RANBP2: variants seen among roughly 807,000 people sequenced by gnomAD.
RANBP2 encodes E3 SUMO-protein ligase RanBP2.
In RANBP2, 57 loss-of-function variants were observed where a neutral mutation model predicts 303.6. The observed-to-expected ratio is 0.19, with a 90% CI of 0.15 to 0.23. The LOEUF is 0.23. Among genes scored for constraint, RANBP2 ranks in the 10% least tolerant of loss-of-function variants. The pLI is 1.00. For synonymous variants in RANBP2, 1,167 were observed against 1,301.5 expected (o/e 0.90, Z 2.23); for missense variants, 3,138 against 3,780.8 (o/e 0.83, Z 4.46).
At chr2:108,720,029 G>A (rs1694104180) in intron 1 of RANBP2, 1 of 985,176 alleles carries the variant, frequency 1.0e-6, no homozygotes, top group South Asian at 4.7e-5. Context: ...TTGGGCACCC[G>A]GGTGCTGTAT....
At chr2:109,046,138 A>G in the RANBP2 span, among the ~76,000 whole-genome samples, 1 of 151,740 alleles carries the variant, frequency 6.6e-6, no homozygotes, top group Non-Finnish European at 1.5e-5. Context: ...CCCCGTCTCT[A>G]CTAAAAATAC....
chr2:109,148,303 C>T, the RANBP2 span, among the ~76,000 whole-genome samples: 7 of 152,228 alleles, frequency 4.6e-5, no homozygotes, highest in Admixed American at 3.3e-4. Flanking sequence ...GGGAATCCAC[C>T]GGGACGGTGT....
At position 108,729,109 on chromosome 2, in the gene RANBP2, A is replaced by G. The variant is rs1228739352; in HGVS notation, c.73-23A>G. On this transcript the variant is annotated intron_variant, in intron 1 of 28. Coordinates refer to ENST00000283195, the MANE Select transcript of RANBP2 (RefSeq NM_006267.5). ...GGAAAATATTTCTGTATGAAAAGTAAAACAACTTTTAATTTTTTTTAGAAG... is the reference window on the plus strand; with the variant it reads ...GGAAAATATTTCTGTATGAAAAGTAGAACAACTTTTAATTTTTTTTAGAAG... 2.6e-6 allele frequency: 4 copies of G among 1,565,808 alleles called. No homozygotes were observed. The Admixed American group carries it at 6.8e-5, about 27-fold the overall frequency.
At chr2:109,095,215 G>C in the RANBP2 span, among the ~76,000 whole-genome samples, 1,202 of 152,314 alleles carry the variant, frequency 7.9e-3, 11 homozygotes, top group East Asian at 0.037. Flanking sequence ...CACTTCGTCT[G>C]ATAGCCTGGG....
chr2:109,241,438 A>T, the RANBP2 span, among the ~76,000 whole-genome samples: 1 of 152,214 alleles, frequency 6.6e-6, no homozygotes, highest in Admixed American at 6.5e-5. Context: ...GCTGGAAGAA[A>T]TACTTTAGGA....
the RANBP2 span, among the ~76,000 whole-genome samples, chr2:109,555,215 A>C: frequency 6.6e-6 from 1 of 152,212 alleles, no homozygotes; most frequent in Non-Finnish European, 1.5e-5. Context: ...CACCTCCTTT[A>C]AATTGCACTC....
chr2:109,695,855 C>G, the RANBP2 span, among the ~76,000 whole-genome samples: 1 of 152,092 alleles, frequency 6.6e-6, no homozygotes, highest in Non-Finnish European at 1.5e-5. Flanking sequence ...TGTTAGGCCA[C>G]AGTTTTCTCA....
rs762375863 is a variant in RANBP2 at position 108,764,624 on chromosome 2, C to T, written c.4085C>T (p.Ser1362Leu). ...TCTTGGTGGCATTGTAACAGCTGCT[C>T]ATTAAAGAATGCTTCAACTGCTAAG... ...EGSWWHCNSC[S>L]LKNASTAKKC... The change falls in exon 20 of 29, where the codon TCA becomes TTA. Residue 1362 changes from serine (S) to leucine (L), a missense_variant. Physicochemically the swap from Ser to Leu is moderately radical, Grantham distance 145. Coordinates refer to ENST00000283195, the MANE Select transcript of RANBP2 (RefSeq NM_006267.5). The T allele has an allele frequency of 1.9e-6, 3 of 1,613,926 alleles. No homozygotes were observed. The South Asian group carries it at 3.3e-5, about 18-fold the overall frequency.
the RANBP2 span, chr2:108,816,080 A>G: frequency 8.1e-6 from 13 of 1,612,030 alleles, no homozygotes; most frequent in Non-Finnish European, 1.0e-5. Flanking sequence ...TCCCAGAGAA[A>G]TGATATTCAG....
chr2:109,345,721 T>C, the RANBP2 span, among the ~76,000 whole-genome samples: 1 of 152,230 alleles, frequency 6.6e-6, no homozygotes, highest in African/African-American at 2.4e-5. Context: ...TTTAAAGTAT[T>C]CGTAGACTAA....
the RANBP2 span, among the ~76,000 whole-genome samples, chr2:109,657,203 T>C: frequency 6.6e-6 from 1 of 152,090 alleles, no homozygotes; most frequent in Non-Finnish European, 1.5e-5. Context: ...AGACACACTT[T>C]GGGAGGCTAA....
downstream of RANBP2, among the ~76,000 whole-genome samples, chr2:108,790,563 A>G (rs1482000420): frequency 1.3e-5 from 2 of 151,916 alleles, no homozygotes; most frequent in Non-Finnish European, 1.5e-5. Context: ...TTAGCCGGGC[A>G]TGGTGGCGGG....
At chr2:108,779,054 A>C (rs1368167729) in intron 25 of RANBP2, among the ~76,000 whole-genome samples, 2 of 151,946 alleles carry the variant, frequency 1.3e-5, no homozygotes, top group Non-Finnish European at 2.9e-5. Flanking sequence ...TTGAGCCCCC[A>C]AGTTGGTATC....
At chr2:108,896,245 A>C in the RANBP2 span, 1 of 152,472 alleles carries the variant, frequency 6.6e-6, no homozygotes, top group Non-Finnish European at 1.5e-5. Flanking sequence ...GGATGACCTC[A>C]AGGATAGGTA....
chr2:109,236,744 G>A, the RANBP2 span, among the ~76,000 whole-genome samples: 2 of 152,164 alleles, frequency 1.3e-5, no homozygotes, highest in African/African-American at 4.8e-5. Context: ...ACTGTTTCCT[G>A]TTTGCAAACT....
At chr2:109,437,115 G>GGCCA in the RANBP2 span, 1 of 1,612,634 alleles carries the variant, frequency 6.2e-7, no homozygotes, top group South Asian at 1.1e-5. Flanking sequence ...CCCAGCCAAC[G>GGCCA]GCCAGCCAAG....
At chr2:109,295,478 G>T in the RANBP2 span, among the ~76,000 whole-genome samples, 4 of 152,230 alleles carry the variant, frequency 2.6e-5, no homozygotes, top group African/African-American at 9.6e-5. Flanking sequence ...GGGAGGTGAG[G>T]CTGGGAAAGG....
At chr2:109,018,388 G>A in the RANBP2 span, among the ~76,000 whole-genome samples, 40 of 151,604 alleles carry the variant, frequency 2.6e-4, no homozygotes, top group Admixed American at 5.2e-4. Flanking sequence ...AGGCGCCAGC[G>A]TGCACTGTGG....
the RANBP2 span, among the ~76,000 whole-genome samples, chr2:109,642,307 T>C: frequency 6.6e-6 from 1 of 152,214 alleles, no homozygotes; most frequent in African/African-American, 2.4e-5. Context: ...CCACTAGCAT[T>C]TAACTGATTA....
Sources: allele counts gnomAD v4.1 joint callset (sites outside exome capture counted in the v4.1 genomes callset), GRCh38; gene constraint gnomAD v4.1.1; transcripts MANE v1.5; gene names NCBI Gene and HGNC (gene_info 2026-07-23, HGNC 2026-07-21).